GK: variants seen among roughly 807,000 people sequenced by gnomAD.
GK encodes the protein ATP:glycerol 3-phosphotransferase.
Under a neutral mutation model 56.4 loss-of-function variants are expected in GK, and 9 were observed. That is an observed-to-expected ratio of 0.16 (90% CI 0.10 to 0.28). The LOEUF is 0.28. Ranked by LOEUF, GK falls within the 10% of genes least tolerant of loss-of-function variation. The probability of loss-of-function intolerance (pLI) is 1.00; values close to 1 mark genes in which losing one functional copy is unlikely to be tolerated. For synonymous variants in GK, 104 were observed against 144.1 expected, an observed-to-expected ratio of 0.72 and a Z score of 1.99; for missense variants, 161 against 431.4, an observed-to-expected ratio of 0.37 and a Z score of 5.55.
chrX:30,655,162 TTTTG>T (rs1258121997), intron 1 of GK, among the ~76,000 whole-genome samples: 480 of 112,453 alleles, frequency 4.3e-3, no homozygotes, highest in Non-Finnish European at 7.2e-3. Flanking sequence ...ACTGTTTATC[TTTTG>T]ATCACCCAGG....
intron 18 of GK, chrX:30,723,819 T>C: frequency 1.5e-5 from 5 of 324,573 alleles, no homozygotes; most frequent in Non-Finnish European, 2.8e-5. Context: ...GGTCAAGCCA[T>C]CCTCCCTCCT....
intron 1 of GK, among the ~76,000 whole-genome samples, chrX:30,659,312 C>T (rs1432518213): frequency 2.7e-5 from 3 of 112,549 alleles, no homozygotes. Flanking sequence ...GGATTACAGG[C>T]GTGAGCCACC....
chrX:30,665,740 AT>A (rs1933033991), intron 2 of GK, among the ~76,000 whole-genome samples, 156 bp downstream of exon 2: 1 of 112,352 alleles, frequency 8.9e-6, no homozygotes. Context: ...ATAACTTGGT[AT>A]GTCTTACATG....
At chrX:30,653,647 G>C (rs376118954) in intron 1 of GK, 32 bp downstream of exon 1, 14 of 1,135,701 alleles carry the variant, frequency 1.2e-5, no homozygotes, top group African/African-American at 1.8e-5. Flanking sequence ...AAGAGGCGCT[G>C]AGCCGGGGCG....
chrX:30,702,490 GC>G (rs1382902888), intron 11 of GK, among the ~76,000 whole-genome samples: 2 of 112,543 alleles, frequency 1.8e-5, no homozygotes, highest in Non-Finnish European at 3.7e-5. Flanking sequence ...TGTTTCATGT[GC>G]TTTAAACACA....
chrX:30,655,278 G>A (rs1306501044), intron 1 of GK, among the ~76,000 whole-genome samples: 2 of 112,163 alleles, frequency 1.8e-5, no homozygotes, highest in East Asian at 5.6e-4. Flanking sequence ...TAATATACAC[G>A]ATCATCATCT....
At chrX:30,716,131 T>A (rs145234139) in intron 13 of GK, among the ~76,000 whole-genome samples, 32 of 111,934 alleles carry the variant, frequency 2.9e-4, no homozygotes, top group African/African-American at 1.0e-3. Flanking sequence ...TTTCCTAGAG[T>A]ATAAAGTCCC....
intron 4 of GK, among the ~76,000 whole-genome samples, chrX:30,688,646 A>G (rs1453211091): frequency 1.8e-5 from 2 of 111,633 alleles, no homozygotes; most frequent in East Asian, 2.8e-4. Context: ...AACCAGAATC[A>G]TGCAAGGTAG....
chrX:30,696,253 T>G, intron 7 of GK, 102 bp downstream of exon 7: 1 of 536,982 alleles, frequency 1.9e-6, no homozygotes, highest in Non-Finnish European at 3.3e-6. Flanking sequence ...AAAATTTAAC[T>G]GTTGATATTT....
intron 3 of GK, among the ~76,000 whole-genome samples, chrX:30,675,625 C>T: frequency 9.4e-6 from 1 of 106,407 alleles, no homozygotes; most frequent in Non-Finnish European, 1.9e-5. Flanking sequence ...CTCAAGCAAT[C>T]CTCCTGGGTA....
intron 4 of GK, among the ~76,000 whole-genome samples, chrX:30,683,136 C>T (rs1195223668): frequency 9.0e-6 from 1 of 111,520 alleles, no homozygotes. Context: ...CTCTGTAACT[C>T]TATGCCTGTC....
intron 3 of GK, among the ~76,000 whole-genome samples, chrX:30,671,291 C>CAAAAAAAAAAA (rs56822779): frequency 7.3e-5 from 2 of 27,302 alleles, no homozygotes; most frequent in African/African-American, 1.3e-4. Context: ...AACTCCATCT[C>CAAAAAAAAAAA]AAAAAAAAAA....
chrX:30,712,717 C>CTTT (rs769269247), intron 13 of GK, among the ~76,000 whole-genome samples: 100 of 48,392 alleles, frequency 2.1e-3, no homozygotes, highest in East Asian at 4.0e-3. Context: ...TTTTTCTTTT[C>CTTT]TTTTTTTTTT....
chrX:30,698,636 G>A (rs368557406), intron 9 of GK, among the ~76,000 whole-genome samples: 3 of 107,748 alleles, frequency 2.8e-5, no homozygotes, highest in Admixed American at 9.9e-5. Flanking sequence ...CCTGGGAGGC[G>A]GAGCTTGCAG....
Position 30,657,129 on chromosome X carries a change from G to T in GK, c.78+3514G>T, listed in dbSNP as rs748162967. 2.5e-4 allele frequency among the ~76,000 whole-genome samples: 28 copies of T among 112,880 alleles called. 1 individual carries two copies. In the South Asian group the frequency reaches 9.7e-3, roughly 39 times the overall value. On this transcript the variant is annotated intron_variant, in intron 1 of 20. Coordinates refer to ENST00000427190, the MANE Select transcript of GK (RefSeq NM_001205019.2). The stretch of plus-strand genomic sequence containing the variant: ...CTCCCAAAGTGCTGGTATTACAGGC[G>T]TCAGCCACCGTGCCCAGCCAAGTTA...
intron 14 of GK, 81 bp downstream of exon 14, chrX:30,718,697 T>C (rs1018454898): frequency 3.4e-6 from 2 of 592,421 alleles, no homozygotes; most frequent in South Asian, 2.4e-5. Context: ...TAAATACTTA[T>C]GCTTTGCCCC....
chrX:30,717,192 G>A (rs1936671532), intron 13 of GK, among the ~76,000 whole-genome samples: 1 of 111,016 alleles, frequency 9.0e-6, no homozygotes, highest in Non-Finnish European at 1.9e-5. Context: ...TTGGTTTGGA[G>A]TGACTCTGTG....
chrX:30,724,042 C>T, intron 18 of GK, 59 bp from the exon 19 acceptor site: 2 of 693,503 alleles, frequency 2.9e-6, no homozygotes. Context: ...AAGTATGGTA[C>T]TAAGAACATC....
chrX:30,719,843 A>C (rs1212171914), intron 15 of GK, among the ~76,000 whole-genome samples, 168 bp from the exon 16 acceptor site: 1 of 112,338 alleles, frequency 8.9e-6, no homozygotes, highest in Non-Finnish European at 1.9e-5. Context: ...TTCATACATG[A>C]ATGCAGAATT....
Sources: gnomAD v4.1 joint callset for allele counts (sites outside exome capture counted in the v4.1 genomes callset) on GRCh38, gnomAD v4.1.1 for gene constraint, MANE v1.5 for transcripts, NCBI Gene and HGNC (gene_info 2026-07-23, HGNC 2026-07-21) for gene names.